Variants in JAK1 observed in about 807,000 individuals in gnomAD.
The protein encoded by JAK1 is tyrosine-protein kinase JAK1.
In JAK1, 16 loss-of-function variants were observed where a neutral mutation model predicts 136.6. The ratio of observed to expected loss-of-function variants is 0.12; its 90% CI spans 0.08 to 0.18. The LOEUF is 0.18. Ranked by LOEUF, JAK1 falls within the 10% of genes least tolerant of loss-of-function variation. JAK1 has a pLI of 1.00. For missense variants in JAK1, 859 were observed against 1,450.1 expected (o/e 0.59, Z 6.62); for synonymous variants, 492 against 519.5 (o/e 0.95, Z 0.72).
rs754681051 is a variant in JAK1 at position 64,873,379 on chromosome 1, C to G, written c.474G>C (p.Leu158=). The change falls in exon 5 of 25, where the codon CTG becomes CTC. Residue 158 remains leucine, a synonymous_variant. Transcript: ENST00000342505. ...GGCCCAAACTTCCTACCTGAGCAAA[C>G]AGATACTCCAGTGAGCTGGCATCAA... ...PLLDASSLEY[L]FAQGQYDLVK... 1.9e-6 allele frequency: 3 copies of G among 1,614,182 alleles called. No individual in the cohort carries two copies. The highest frequency in any genetic ancestry group is 1.7e-6 in the Non-Finnish European group (2 of 1,180,030).
chr1:64,838,390 G>T, intron 21 of JAK1, 75 bp downstream of exon 21: 1 of 1,479,654 alleles, frequency 6.8e-7, no homozygotes. Context: ...CCCACTTAGA[G>T]TCAAATTACA....
chr1:64,988,476 TC>T (rs1310992723), intron 2 of JAK1, among the ~76,000 whole-genome samples: 3 of 151,756 alleles, frequency 2.0e-5, no homozygotes, highest in Non-Finnish European at 4.4e-5. Flanking sequence ...CAAGCTCCTG[TC>T]CCCCCCATAG....
Position 64,844,645 on chromosome 1 carries a change from CA to C in JAK1, c.2251+108del, listed in dbSNP as rs999522934. The C allele has an allele frequency of 9.0e-3, 9,950 of 1,102,844 alleles. No individual in the cohort carries two copies. The highest frequency in any genetic ancestry group is 0.01 in the South Asian group (615 of 61,084). The allele number at this position is 1,102,844 out of a possible 1,614,324, so 68.3% of individuals were successfully genotyped here. On this transcript the variant is annotated intron_variant, in intron 16 of 24. Transcript: ENST00000342505. The surrounding 1 kb of genome is among the most constrained non-coding windows in gnomAD (Gnocchi z 5.7). The stretch of plus-strand genomic sequence containing the variant: ...GTGAAACCCCGTCTCTACTAAAATA[CA>C]AAAAAAAAATGACTCTCTAAAAGGA...
At chr1:64,902,900 T>C (rs1376826348) in intron 1 of JAK1, among the ~76,000 whole-genome samples, 1 of 152,182 alleles carries the variant, frequency 6.6e-6, no homozygotes, top group African/African-American at 2.4e-5. Flanking sequence ...GTGAGTAAGT[T>C]TGGCCAACAG....
intron 5 of JAK1, 152 bp downstream of exon 5, chr1:64,873,218 C>A: frequency 1.3e-6 from 1 of 799,582 alleles, no homozygotes; most frequent in South Asian, 1.9e-5. Context: ...TTTCTCCTCA[C>A]TTGGGGCAAG....
intron 1 of JAK1, among the ~76,000 whole-genome samples, chr1:64,918,882 T>TA (rs1324471849): frequency 2.0e-5 from 3 of 152,192 alleles, no homozygotes; most frequent in Non-Finnish European, 2.9e-5. Context: ...AATCAAATAC[T>TA]ACGCTTCTTT....
At chr1:64,926,832 T>C (rs1645591317) in intron 1 of JAK1, among the ~76,000 whole-genome samples, 1 of 152,168 alleles carries the variant, frequency 6.6e-6, no homozygotes, top group African/African-American at 2.4e-5. Flanking sequence ...ATCCCATCTG[T>C]GCCTCAATTT....
At chr1:64,979,252 T>C (rs1051581872) in intron 2 of JAK1, among the ~76,000 whole-genome samples, 2 of 152,016 alleles carry the variant, frequency 1.3e-5, no homozygotes, top group African/African-American at 4.8e-5. Flanking sequence ...AAATAAAAAT[T>C]AGCCATGTAC....
At chr1:65,064,081 C>T (rs1194705219) in intron 1 of JAK1, among the ~76,000 whole-genome samples, 1 of 152,156 alleles carries the variant, frequency 6.6e-6, no homozygotes, top group Non-Finnish European at 1.5e-5. Flanking sequence ...GATTACTTTG[C>T]ACTTACATAT....
chr1:64,853,651 T>G (rs1655740315), intron 11 of JAK1, among the ~76,000 whole-genome samples: 1 of 152,186 alleles, frequency 6.6e-6, no homozygotes, highest in African/African-American at 2.4e-5. Flanking sequence ...CCATCTCAAG[T>G]CTCAATTTCA....
chr1:64,994,798 G>A (rs538990361), intron 2 of JAK1, among the ~76,000 whole-genome samples: 2 of 152,194 alleles, frequency 1.3e-5, no homozygotes, highest in Admixed American at 6.5e-5. Flanking sequence ...TTCTAGCCTT[G>A]GTTCTCATAT....
At chr1:64,910,372 C>T (rs1272985069) in intron 1 of JAK1, among the ~76,000 whole-genome samples, 1 of 152,066 alleles carries the variant, frequency 6.6e-6, no homozygotes, top group South Asian at 2.1e-4. Flanking sequence ...TGATCAAATG[C>T]ATTGCTCTCG....
At chr1:65,002,862 C>T (rs1033181046) in intron 2 of JAK1, among the ~76,000 whole-genome samples, 45 of 152,290 alleles carry the variant, frequency 3.0e-4, no homozygotes, top group African/African-American at 1.1e-3. Flanking sequence ...GGCGGGCGGG[C>T]AGTCTCTGCC....
intron 1 of JAK1, among the ~76,000 whole-genome samples, chr1:65,064,526 AT>A (rs1647958026): frequency 6.6e-6 from 1 of 152,228 alleles, no homozygotes; most frequent in African/African-American, 2.4e-5. Flanking sequence ...AAGACTGAGT[AT>A]TTTAGCTCAG....
At chr1:64,910,364 A>T (rs1645262283) in intron 1 of JAK1, among the ~76,000 whole-genome samples, 1 of 152,184 alleles carries the variant, frequency 6.6e-6, no homozygotes, top group African/African-American at 2.4e-5. Flanking sequence ...GAGAAACATG[A>T]TCAAATGCAT....
At chr1:64,959,969 A>G (rs571625346) in intron 1 of JAK1, among the ~76,000 whole-genome samples, 4 of 152,332 alleles carry the variant, frequency 2.6e-5, no homozygotes, top group Admixed American at 2.0e-4. Flanking sequence ...GTTCATGCCT[A>G]TTATCCCAAA....
chr1:64,854,874 G>A lies in JAK1; in HGVS notation c.1648+635C>T, dbSNP rs1322803851. 2.0e-5 allele frequency among the ~76,000 whole-genome samples: 3 copies of A among 151,970 alleles called. No individual in the cohort carries two copies. The East Asian group carries it at 5.8e-4, about 29-fold the overall frequency. ...GCCCATGCCTCTGTTTGCACGTGCC[G>A]AGATGCCCTGACCGCACTGGCAACC... On this transcript the variant is annotated intron_variant, in intron 11 of 24. Coordinates refer to ENST00000342505, the MANE Select transcript of JAK1 (RefSeq NM_002227.4).
At chr1:64,941,851 T>C (rs1054920090) in intron 1 of JAK1, 25 of 152,234 alleles carry the variant, frequency 1.6e-4, no homozygotes, top group African/African-American at 5.8e-4. Context: ...TTTCCAGTGT[T>C]CTCTAGGAGA....
intron 1 of JAK1, among the ~76,000 whole-genome samples, chr1:64,961,542 A>G: frequency 6.6e-6 from 1 of 152,040 alleles, no homozygotes; most frequent in East Asian, 1.9e-4. Flanking sequence ...CGGTCTTCAC[A>G]ATCTGGATCC....
Sources: gnomAD v4.1 joint callset for allele counts (sites outside exome capture counted in the v4.1 genomes callset) on GRCh38, gnomAD v4.1.1 for gene constraint, Gnocchi (gnomAD v3.1) non-coding constraint, MANE v1.5 for transcripts, NCBI Gene and HGNC (gene_info 2026-07-23, HGNC 2026-07-21) for gene names.